The following SNTG1 variants were observed in gnomAD, a reference collection of about 807,000 sequenced individuals.
SNTG1 encodes gamma-1-syntrophin.
SNTG1 carries 39 observed loss-of-function variants against 74.7 expected under a neutral mutation model. The ratio of observed to expected loss-of-function variants is 0.52; its 90% confidence interval spans 0.40 to 0.68. The LOEUF (loss-of-function observed/expected upper bound fraction) is 0.68. SNTG1 is among the 30% of genes least tolerant of loss of function. The pLI is 0.00. For missense variants in SNTG1, 685 were observed against 609.5 expected, an observed-to-expected ratio of 1.12 and a Z score of -1.30; for synonymous variants, 254 against 217.1, an observed-to-expected ratio of 1.17 and a Z score of -1.49.
chr8:50,664,289 G>C (rs1315365897), intron 15 of SNTG1, among the ~76,000 whole-genome samples: 1 of 152,086 alleles, frequency 6.6e-6, no homozygotes, highest in Non-Finnish European at 1.5e-5. Flanking sequence ...TAGGGAAACT[G>C]TCATTTATTC....
At chr8:50,369,886 T>C (rs1272155356) in intron 2 of SNTG1, among the ~76,000 whole-genome samples, 1 of 152,166 alleles carries the variant, frequency 6.6e-6, no homozygotes, top group Non-Finnish European at 1.5e-5. Flanking sequence ...TCTGAGTTGG[T>C]TCTGAAGTAT....
intron 2 of SNTG1, among the ~76,000 whole-genome samples, chr8:50,383,244 A>G (rs922752459): frequency 6.6e-6 from 1 of 152,202 alleles, no homozygotes; most frequent in Non-Finnish European, 1.5e-5. Context: ...CGAATATGAT[A>G]CAACAGTCCT....
At chr8:50,159,063 G>C (rs757934688) in intron 1 of SNTG1, among the ~76,000 whole-genome samples, 1 of 152,100 alleles carries the variant, frequency 6.6e-6, no homozygotes. Context: ...ACTAGTGGGC[G>C]TTGAGTGCTT....
At chr8:50,694,387 T>TGA (rs962868956) in intron 15 of SNTG1, among the ~76,000 whole-genome samples, 1 of 151,756 alleles carries the variant, frequency 6.6e-6, no homozygotes, top group African/African-American at 2.4e-5. Context: ...GAGTAAATGC[T>TGA]GAAAAAATAA....
chr8:50,493,411 CTAA>C (rs1187873521), intron 8 of SNTG1, among the ~76,000 whole-genome samples: 2 of 152,108 alleles, frequency 1.3e-5, no homozygotes, highest in East Asian at 3.8e-4. Context: ...TGGGACTTTT[CTAA>C]TGTTTGTAAT....
At chr8:50,145,835 T>A (rs1280391864) in intron 1 of SNTG1, among the ~76,000 whole-genome samples, 1 of 151,766 alleles carries the variant, frequency 6.6e-6, no homozygotes, top group African/African-American at 2.4e-5. Context: ...TTTTGAATAA[T>A]TAGATATCTA....
At chr8:50,653,224 G>T (rs988196061) in intron 13 of SNTG1, among the ~76,000 whole-genome samples, 1 of 151,848 alleles carries the variant, frequency 6.6e-6, no homozygotes, top group East Asian at 1.9e-4. Flanking sequence ...CGATCAGCTC[G>T]CTTGAGGCCA....
chr8:50,503,624 A>T (rs2093982438), intron 9 of SNTG1, among the ~76,000 whole-genome samples: 1 of 152,110 alleles, frequency 6.6e-6, no homozygotes, highest in Non-Finnish European at 1.5e-5. Flanking sequence ...ATTATACTTA[A>T]TTTTTTATTC....
chr8:50,577,802 A>G (rs1415701193), intron 12 of SNTG1, among the ~76,000 whole-genome samples: 1 of 152,216 alleles, frequency 6.6e-6, no homozygotes, highest in Non-Finnish European at 1.5e-5. Context: ...ACAAAGTAGA[A>G]AATGAGGTTT....
intron 13 of SNTG1, among the ~76,000 whole-genome samples, chr8:50,604,928 T>C (rs115370407): frequency 0.013 from 2,023 of 152,260 alleles, 48 homozygotes; most frequent in African/African-American, 0.045. Context: ...CTGCAGGTTA[T>C]TCAGGGCCCA....
At chr8:50,666,959 ATAT>A (rs1305294847) in intron 15 of SNTG1, among the ~76,000 whole-genome samples, 1 of 152,014 alleles carries the variant, frequency 6.6e-6, no homozygotes, top group Admixed American at 6.6e-5. Flanking sequence ...GCTAAATCTA[ATAT>A]TATTATTTCT....
At chr8:50,179,658 A>G (rs895877008) in intron 2 of SNTG1, among the ~76,000 whole-genome samples, 1 of 152,208 alleles carries the variant, frequency 6.6e-6, no homozygotes, top group Admixed American at 6.5e-5. Flanking sequence ...AGACATACAA[A>G]TAGCCAAACA....
intron 12 of SNTG1, among the ~76,000 whole-genome samples, chr8:50,572,154 T>C (rs2094552312): frequency 6.6e-6 from 1 of 152,114 alleles, no homozygotes; most frequent in African/African-American, 2.4e-5. Flanking sequence ...CACCTGCCCC[T>C]ATGAGAAGAT....
intron 1 of SNTG1, among the ~76,000 whole-genome samples, chr8:49,949,131 G>A (rs1157877036): frequency 6.6e-6 from 1 of 152,158 alleles, no homozygotes; most frequent in African/African-American, 2.4e-5. Context: ...AGGCCTGATG[G>A]TTCTAAAAGT....
intron 4 of SNTG1, among the ~76,000 whole-genome samples, chr8:50,435,838 A>G (rs1243724468): frequency 3.9e-5 from 6 of 152,254 alleles, no homozygotes; most frequent in African/African-American, 9.6e-5. Flanking sequence ...AGTCTCTCCA[A>G]AATCTTTTCT....
chr8:49,988,015 A>G (rs1432595131), intron 1 of SNTG1, among the ~76,000 whole-genome samples: 1 of 152,178 alleles, frequency 6.6e-6, no homozygotes, highest in African/African-American at 2.4e-5. Context: ...AGAAAGAGTC[A>G]AAAGAGTTCT....
intron 10 of SNTG1, among the ~76,000 whole-genome samples, chr8:50,536,449 C>T (rs907169273): frequency 1.3e-5 from 2 of 152,148 alleles, no homozygotes; most frequent in African/African-American, 4.8e-5. Context: ...TTCACTAGCA[C>T]TCTTAGTCTC....
intron 1 of SNTG1, among the ~76,000 whole-genome samples, chr8:50,079,147 A>G (rs1375187042): frequency 6.6e-6 from 1 of 152,206 alleles, no homozygotes; most frequent in African/African-American, 2.4e-5. Context: ...ATGTTCCACA[A>G]TGGTTGAACT....
chr8:50,252,253 A>G (rs2086676496), intron 2 of SNTG1, among the ~76,000 whole-genome samples: 1 of 152,118 alleles, frequency 6.6e-6, no homozygotes, highest in Non-Finnish European at 1.5e-5. Context: ...CTACATCAAA[A>G]CAAGAAAAAT....
Sources: allele counts gnomAD v4.1 joint callset (sites outside exome capture counted in the v4.1 genomes callset), GRCh38; gene constraint gnomAD v4.1.1; transcripts MANE v1.5; gene names NCBI Gene and HGNC (gene_info 2026-07-23, HGNC 2026-07-21).